The following SOX6 variants were observed in gnomAD, a reference collection of about 807,000 sequenced individuals.
SOX6 encodes SRY-box transcription factor 6, also known as transcription factor SOX-6.
SOX6 carries 11 observed loss-of-function variants against 97.8 expected under a neutral mutation model. The observed-to-expected ratio is 0.11, with a 90% CI of 0.07 to 0.19. The LOEUF is 0.19. Among genes scored for constraint, SOX6 ranks in the 10% least tolerant of loss-of-function variants. The probability of loss-of-function intolerance (pLI) is 1.00; values close to 1 mark genes in which losing one functional copy is unlikely to be tolerated. For synonymous variants in SOX6, 360 were observed against 371.4 expected (o/e 0.97, Z 0.35); for missense variants, 810 against 1,039.5 (o/e 0.78, Z 3.04).
chr11:16,282,060 A>G (rs1026220636), intron 3 of SOX6, among the ~76,000 whole-genome samples: 3 of 149,844 alleles, frequency 2.0e-5, no homozygotes, highest in African/African-American at 7.3e-5. Flanking sequence ...AATTCAGGAC[A>G]TACAATGCAC....
intron 9 of SOX6, among the ~76,000 whole-genome samples, chr11:16,057,615 T>C (rs1055875000): frequency 5.9e-5 from 9 of 152,156 alleles, no homozygotes; most frequent in Non-Finnish European, 1.2e-4. Flanking sequence ...TTGCCTCTCT[T>C]GTACTGGTGT....
chr11:16,702,763 T>G (rs1480360895), intron 3 of SOX6, among the ~76,000 whole-genome samples: 2 of 152,106 alleles, frequency 1.3e-5, no homozygotes, highest in Non-Finnish European at 2.9e-5. Context: ...CTGAAGGTGT[T>G]TGATGTCCCA....
At chr11:16,127,047 C>T (rs1031897433) in intron 6 of SOX6, among the ~76,000 whole-genome samples, 1 of 152,054 alleles carries the variant, frequency 6.6e-6, no homozygotes, top group Admixed American at 6.6e-5. Context: ...ACAATCCAAC[C>T]TCTTTCAATA....
intron 2 of SOX6, among the ~76,000 whole-genome samples, chr11:16,338,670 G>A (rs908532906): frequency 5.9e-5 from 9 of 151,914 alleles, no homozygotes; most frequent in Admixed American, 2.0e-4. Flanking sequence ...ATACACAAAG[G>A]CTCCAGTGGA....
rs145099273 is a variant in SOX6, at chr11:16,203,308, T to C, written c.536-16353A>G. Among the ~76,000 whole-genome samples, 306 of 136,544 alleles carry C rather than the reference T, an allele frequency of 2.2e-3. 2 individuals carry two copies. The highest frequency in any genetic ancestry group is 8.3e-3 in the African/African-American group (296 of 35,834). 89.6% of individuals were successfully genotyped at this position (136,544 alleles called of 152,430 possible). ...AGCAAAGAGTGAATTAACAAACTCA[T>C]GGCAGGGAAAAAAAAGGAAGGAGAA... On this transcript the variant is annotated intron_variant, in intron 4 of 15. Transcript: ENST00000683767.
intron 12 of SOX6, among the ~76,000 whole-genome samples, chr11:16,030,573 G>A (rs1855343663): frequency 1.3e-5 from 2 of 152,014 alleles, no homozygotes; most frequent in Admixed American, 6.6e-5. Context: ...ATAAACTTGA[G>A]GAAATGATTC....
chr11:16,131,351 A>G (rs555244277), intron 6 of SOX6, among the ~76,000 whole-genome samples: 23 of 152,100 alleles, frequency 1.5e-4, no homozygotes, highest in Admixed American at 1.3e-3. Context: ...ATATGACAGG[A>G]TGCTCAACAT....
chr11:16,714,456 T>C (rs910459177), intron 3 of SOX6, among the ~76,000 whole-genome samples: 9 of 147,584 alleles, frequency 6.1e-5, no homozygotes, highest in Non-Finnish European at 1.3e-4. Flanking sequence ...TCTTTCTTTT[T>C]TTTTTTTTTT....
intron 4 of SOX6, among the ~76,000 whole-genome samples, chr11:16,555,955 C>T (rs1486049182): frequency 6.6e-6 from 1 of 151,558 alleles, no homozygotes; most frequent in South Asian, 2.1e-4. Flanking sequence ...AACTGACATA[C>T]CACTTCTGGG....
At chr11:16,598,089 A>C (rs1032400001) in intron 4 of SOX6, among the ~76,000 whole-genome samples, 1 of 152,080 alleles carries the variant, frequency 6.6e-6, no homozygotes, top group African/African-American at 2.4e-5. Context: ...CTTCAACTAT[A>C]ACAGATAACA....
intron 3 of SOX6, among the ~76,000 whole-genome samples, chr11:16,266,710 G>C (rs1565058267): frequency 1.3e-5 from 2 of 151,484 alleles, no homozygotes; most frequent in African/African-American, 2.4e-5. Flanking sequence ...AACATCTCTT[G>C]AAGGTGGACT....
At chr11:16,365,926 A>AC (rs1857347346) in intron 1 of SOX6, among the ~76,000 whole-genome samples, 1 of 152,152 alleles carries the variant, frequency 6.6e-6, no homozygotes, top group African/African-American at 2.4e-5. Flanking sequence ...CTGGTTGCAG[A>AC]CATATGTGGC....
At chr11:16,444,558 A>G (rs1859576622) in intron 1 of SOX6, among the ~76,000 whole-genome samples, 1 of 152,224 alleles carries the variant, frequency 6.6e-6, no homozygotes, top group African/African-American at 2.4e-5. Flanking sequence ...TTTTGTTCAC[A>G]GAATTCTTAT....
At chr11:16,098,758 T>G (rs1347632429) in intron 7 of SOX6, among the ~76,000 whole-genome samples, 1 of 151,864 alleles carries the variant, frequency 6.6e-6, no homozygotes, top group African/African-American at 2.4e-5. Flanking sequence ...CATGTTGTTT[T>G]GCATGAACTT....
chr11:16,675,121 T>C (rs1053508858), intron 3 of SOX6, among the ~76,000 whole-genome samples: 2 of 152,198 alleles, frequency 1.3e-5, no homozygotes, highest in African/African-American at 4.8e-5. Flanking sequence ...ATCAGTAGCA[T>C]TTCTATATGC....
intron 4 of SOX6, chr11:16,606,016 AT>A (rs1350833927): frequency 1.3e-5 from 2 of 152,058 alleles, no homozygotes; most frequent in Non-Finnish European, 2.9e-5. Context: ...ATGAGGGTTT[AT>A]TTTAATTTAT....
chr11:16,556,662 T>C (rs1847752140), intron 4 of SOX6, among the ~76,000 whole-genome samples: 1 of 151,810 alleles, frequency 6.6e-6, no homozygotes, highest in Non-Finnish European at 1.5e-5. Flanking sequence ...TAGTATGGCT[T>C]CACTTTCATC....
intron 6 of SOX6, among the ~76,000 whole-genome samples, chr11:16,178,738 T>C (rs992154272): frequency 6.6e-6 from 1 of 151,724 alleles, no homozygotes; most frequent in Non-Finnish European, 1.5e-5. Context: ...ATCAATAACA[T>C]ACAAAAAACG....
intron 12 of SOX6, among the ~76,000 whole-genome samples, chr11:16,038,310 G>T (rs1855569410): frequency 6.6e-6 from 1 of 152,040 alleles, no homozygotes; most frequent in Admixed American, 6.6e-5. Flanking sequence ...ACAAACCCTT[G>T]TGCATAGAAA....
Sources: gnomAD v4.1 joint callset for allele counts (sites outside exome capture counted in the v4.1 genomes callset) on GRCh38, gnomAD v4.1.1 for gene constraint, MANE v1.5 for transcripts, NCBI Gene and HGNC (gene_info 2026-07-23, HGNC 2026-07-21) for gene names.